The following KCNAB2 variants were observed in gnomAD, a reference collection of about 807,000 sequenced individuals.
KCNAB2 encodes voltage-gated potassium channel subunit beta-2.
A neutral mutation model predicts 63.6 loss-of-function variants in KCNAB2; 29 were observed. The ratio of observed to expected loss-of-function variants is 0.46; its 90% CI spans 0.34 to 0.62. KCNAB2 has a LOEUF of 0.62. Ranked by LOEUF, KCNAB2 falls within the 20% of genes least tolerant of loss-of-function variation. The pLI is 0.01. For synonymous variants in KCNAB2, 222 were observed against 224.2 expected, an observed-to-expected ratio of 0.99 and a Z score of 0.09; for missense variants, 359 against 563.9, an observed-to-expected ratio of 0.64 and a Z score of 3.68.
rs147344506 is a variant in KCNAB2, at chr1:6,016,738, G to A, written c.-52-23779G>A. ...CGCTATGGAGCATGGACACTAATAC[G>A]TCCCACTGGACTTCTGCGTGGGCCC... On this transcript the variant is annotated intron_variant, in intron 1 of 16. Coordinates refer to the KCNAB2 transcript ENST00000341524. 9.8e-4 allele frequency among the ~76,000 whole-genome samples: 149 copies of A among 152,296 alleles called. 1 individual carries two copies. The highest frequency in any genetic ancestry group is 2.2e-3 in the Admixed American group (33 of 15,290).
rs1263250449 is a variant in KCNAB2 at position 6,024,706 on chromosome 1, C to T, written c.-52-15811C>T. Among the ~76,000 whole-genome samples, 1 of 152,158 alleles carries T rather than the reference C, an allele frequency of 6.6e-6. No homozygotes were observed. The highest frequency in any genetic ancestry group is 1.5e-5 in the Non-Finnish European group (1 of 68,036). ...ACAGAGTCAGGGCAACATCTCCGTG[C>T]TGGGGGCCAAGAGGATAACGGCTGT... On this transcript the variant is annotated intron_variant, in intron 1 of 16. Coordinates refer to the KCNAB2 transcript ENST00000341524. The surrounding 1 kb of genome is among the most constrained non-coding windows in gnomAD (Gnocchi z 5.4).
At position 6,045,947 on chromosome 1, in the gene KCNAB2, C is replaced by G. The variant is rs921032466; in HGVS notation, c.-263C>G. 2.9e-5 allele frequency: 29 copies of G among 985,316 alleles called. No homozygotes were observed. The highest frequency in any genetic ancestry group is 9.4e-5 in the South Asian group (2 of 21,286). 61.0% of individuals were successfully genotyped at this position (985,316 alleles called of 1,614,324 possible). On this transcript the variant is annotated 5_prime_UTR_variant, in exon 1 of 16. Transcript: ENST00000378083. The surrounding 1 kb of genome is among the most constrained non-coding windows in gnomAD (Gnocchi z 4.8). The stretch of plus-strand genomic sequence containing the variant: ...CTTCCCGAGCTTTTAGGGGAAGAGG[C>G]ACTCGTGAATAATTCAGCCTCTTTC...
chr1:6,030,084 T>C (rs1659478457), upstream of KCNAB2, among the ~76,000 whole-genome samples: 2 of 152,274 alleles, frequency 1.3e-5, no homozygotes, highest in African/African-American at 4.8e-5. Flanking sequence ...ACTGGACTTA[T>C]AATTCAATGT....
chr1:6,041,910 G>A (rs144980294), upstream of KCNAB2: 31 of 1,599,700 alleles, frequency 1.9e-5, no homozygotes, highest in Middle Eastern at 1.7e-4. Flanking sequence ...CCAGCGAGCC[G>A]AAGGCCAGGG....
intron 4 of KCNAB2, among the ~76,000 whole-genome samples, chr1:6,079,167 G>A (rs1392618356): frequency 6.6e-6 from 1 of 152,142 alleles, no homozygotes; most frequent in Admixed American, 6.5e-5. Flanking sequence ...GCCCTCCCTG[G>A]CCCACACCAG....
At chr1:5,993,057 A>G (rs1198156350) in intron 1 of KCNAB2, among the ~76,000 whole-genome samples, 1 of 99,480 alleles carries the variant, frequency 1.0e-5, no homozygotes, top group Non-Finnish European at 2.0e-5. Flanking sequence ...CGCATCCCTG[A>G]CCCCTGCCCC....
In KCNAB2 at chr1:6,082,267, G is replaced by A. The variant is rs777127611; in HGVS notation, c.373G>A (p.Ala125Thr). 2.1e-5 allele frequency: 34 copies of A among 1,612,218 alleles called. No individual in the cohort carries two copies. The highest frequency in any genetic ancestry group is 2.5e-6 in the Non-Finnish European group (3 of 1,179,120). ...CTTCGATACAGCAGAAGTCTACGCA[G>A]CCGGCAAGTACGTGTCTTTTCACAC... ...NLFDTAEVYA[A>T]GKAEVVLGNI... is the part of the protein sequence containing the mutation. The change falls in exon 5 of 16, where the codon GCC (alanine) becomes ACC (threonine). Residue 125 changes from alanine (A) to threonine (T), a missense_variant. Physicochemically the swap from Ala to Thr is moderately conservative, Grantham distance 58. Coordinates refer to ENST00000378083, the MANE Select transcript of KCNAB2 (RefSeq NM_001199862.2).
In KCNAB2 at chr1:6,071,387, C is replaced by G. The variant is rs1035254388; in HGVS notation, c.219-1368C>G. Among the ~76,000 whole-genome samples, 1 of 152,240 alleles carries G rather than the reference C, an allele frequency of 6.6e-6. No individual in the cohort carries two copies. The highest frequency in any genetic ancestry group is 1.5e-5 in the Non-Finnish European group (1 of 68,034). On this transcript the variant is annotated intron_variant, in intron 2 of 15. Coordinates refer to ENST00000378083, the MANE Select transcript of KCNAB2 (RefSeq NM_001199862.2). The surrounding 1 kb of genome is among the most constrained non-coding windows in gnomAD (Gnocchi z 8.5). ...ACCAGATGCTGGCAGCTGGATTCCA[C>G]AAGGGAAGTGGAATCTGACCCCAGA...
chr1:6,051,868 C>G, intron 2 of KCNAB2, 114 bp downstream of exon 2: 2 of 1,237,106 alleles, frequency 1.6e-6, no homozygotes, highest in Non-Finnish European at 2.2e-6. Context: ...CTTGGGGAGG[C>G]AGAGGCGGGT....
intron 1 of KCNAB2, among the ~76,000 whole-genome samples, chr1:6,019,649 C>G (rs990935935): frequency 1.3e-5 from 2 of 152,250 alleles, no homozygotes; most frequent in Non-Finnish European, 2.9e-5. Context: ...AGCGTCTTCA[C>G]TGATACAGCA....
intron 1 of KCNAB2, among the ~76,000 whole-genome samples, chr1:6,000,582 A>G (rs1657195235): frequency 6.6e-6 from 1 of 151,974 alleles, no homozygotes; most frequent in East Asian, 1.9e-4. Flanking sequence ...GTGAGGAGTG[A>G]ACCCCACCCC....
intron 4 of KCNAB2, among the ~76,000 whole-genome samples, chr1:6,077,419 C>A (rs1477568262): frequency 6.6e-6 from 1 of 152,222 alleles, no homozygotes; most frequent in Non-Finnish European, 1.5e-5. Context: ...CCTCTCTTTC[C>A]TGCCTCTGGT....
At chr1:6,041,687 C>A, upstream of KCNAB2, 1 of 697,360 alleles carries the variant, frequency 1.4e-6, no homozygotes, top group Non-Finnish European at 2.5e-6. Context: ...AGAGACTGCC[C>A]TGAGCAGGCG....
chr1:6,046,333 G>T, intron 1 of KCNAB2, 150 bp downstream of exon 1: 1 of 442,598 alleles, frequency 2.3e-6, no homozygotes, highest in South Asian at 9.4e-5. Context: ...CAAAGCAGAA[G>T]ACCTTAAAAA....
intron 1 of KCNAB2, among the ~76,000 whole-genome samples, chr1:6,014,126 C>T (rs1658349441): frequency 6.6e-6 from 1 of 152,258 alleles, no homozygotes; most frequent in African/African-American, 2.4e-5. Flanking sequence ...AGGCCTCATT[C>T]AGACTGCACT....
In KCNAB2 at chr1:6,073,988, C is replaced by G; in HGVS notation, c.300+218C>G. On this transcript the variant is annotated intron_variant, in intron 4 of 15. Transcript: ENST00000378083. This position sits in a 1 kb window ranked among gnomAD's most constrained non-coding sequence, Gnocchi z 5.7. The stretch of plus-strand genomic sequence containing the variant: ...GGGGATGCCGAGTCTGGTGCCATCA[C>G]CCAGCAGTGGATGCCTCGGGCCTCA... 3.4e-6 allele frequency: 2 copies of G among 591,752 alleles called. No individual in the cohort carries two copies. Among genetic ancestry groups the G allele is most frequent in the South Asian group, 4.0e-5 (2 of 50,570 alleles). 36.7% of individuals were successfully genotyped at this position (591,752 alleles called of 1,614,324 possible).
chr1:6,047,846 A>G (rs1428493038), intron 1 of KCNAB2, among the ~76,000 whole-genome samples: 2 of 152,184 alleles, frequency 1.3e-5, no homozygotes, highest in Non-Finnish European at 2.9e-5. Flanking sequence ...CCCATGCCAA[A>G]GGCTGCCATT....
intron 1 of KCNAB2, chr1:6,040,452 C>T (rs1660406028): frequency 1.1e-6 from 1 of 890,204 alleles, no homozygotes; most frequent in African/African-American, 1.6e-5. Context: ...AGTCTCCCGG[C>T]CAAACCTGGT....
chr1:6,064,153 C>T (rs1229280620), intron 2 of KCNAB2, among the ~76,000 whole-genome samples: 1 of 152,222 alleles, frequency 6.6e-6, no homozygotes, highest in Non-Finnish European at 1.5e-5. Context: ...GGCCAGCATG[C>T]GTAGCACCAC....
Sources: gnomAD v4.1 joint callset for allele counts (sites outside exome capture counted in the v4.1 genomes callset) on GRCh38, gnomAD v4.1.1 for gene constraint, Gnocchi (gnomAD v3.1) non-coding constraint, MANE v1.5 for transcripts, NCBI Gene and HGNC (gene_info 2026-07-23, HGNC 2026-07-21) for gene names.